INPP4B: variants seen among roughly 807,000 people sequenced by gnomAD.
The protein encoded by INPP4B is inositol polyphosphate 4-phosphatase type II.
INPP4B carries 55 observed loss-of-function variants against 122.5 expected under a neutral mutation model. That is an observed-to-expected ratio of 0.45 (90% CI 0.36 to 0.56). The LOEUF (loss-of-function observed/expected upper bound fraction) is 0.56. INPP4B is among the 20% of genes least tolerant of loss of function. The probability of loss-of-function intolerance (pLI) is 0.00; values close to 1 mark genes in which losing one functional copy is unlikely to be tolerated. For synonymous variants in INPP4B, 403 were observed against 388.7 expected (o/e 1.04, Z -0.43); for missense variants, 1,000 against 1,097.7 (o/e 0.91, Z 1.26).
rs1168677516 is a variant in INPP4B at position 142,024,666 on chromosome 4, G to C, written c.*4116C>G. ...AGAGTGTAATTTGTTTAATGTAACA[G>C]TTTTGGTTTCAATTGAGCTATATTT... On this transcript the variant is annotated 3_prime_UTR_variant, in exon 26 of 26. Transcript: ENST00000262992. 6 of 152,216 alleles carry C rather than the reference G, an allele frequency of 3.9e-5. No homozygotes were observed. In the East Asian group the frequency reaches 1.2e-3, roughly 29 times the overall value. The allele number at this position is 152,216 out of a possible 1,614,324, so 9.4% of individuals were successfully genotyped here.
intron 25 of INPP4B, among the ~76,000 whole-genome samples, chr4:142,036,691 T>C (rs945031828): frequency 2.6e-5 from 4 of 152,336 alleles, no homozygotes; most frequent in African/African-American, 7.2e-5. Flanking sequence ...GGGGCAGTTT[T>C]ACAACGGAAT....
At chr4:142,321,002 A>C (rs111931677) in intron 7 of INPP4B, among the ~76,000 whole-genome samples, 2,334 of 152,304 alleles carry the variant, frequency 0.015, 57 homozygotes, top group African/African-American at 0.053. Flanking sequence ...ATTGCTGGAT[A>C]AAATGGTAGA....
intron 3 of INPP4B, among the ~76,000 whole-genome samples, chr4:142,451,302 G>A (rs553677961): frequency 7.6e-6 from 1 of 131,910 alleles, no homozygotes; most frequent in African/African-American, 2.9e-5. Context: ...CCAGGCTGTA[G>A]TGCAGTGGCA....
At chr4:142,727,545 G>T (rs1282319658) in intron 1 of INPP4B, among the ~76,000 whole-genome samples, 1 of 152,124 alleles carries the variant, frequency 6.6e-6, no homozygotes, top group Admixed American at 6.6e-5. Context: ...AGTATTAAAA[G>T]AATATTCTGG....
At chr4:142,255,128 A>G (rs1040758525) in intron 11 of INPP4B, among the ~76,000 whole-genome samples, 5 of 151,962 alleles carry the variant, frequency 3.3e-5, no homozygotes, top group African/African-American at 1.2e-4. Flanking sequence ...AAGGAGAAAT[A>G]AAATACTTTA....
intron 2 of INPP4B, among the ~76,000 whole-genome samples, chr4:142,478,376 C>A (rs1413046612): frequency 6.6e-6 from 1 of 151,606 alleles, no homozygotes; most frequent in Non-Finnish European, 1.5e-5. Flanking sequence ...TCCTTTTGCC[C>A]ATTCAATATG....
At chr4:142,501,690 GA>G (rs1303143693) in intron 2 of INPP4B, among the ~76,000 whole-genome samples, 14 of 151,846 alleles carry the variant, frequency 9.2e-5, no homozygotes, top group Non-Finnish European at 1.8e-4. Context: ...TTGAGGTGAA[GA>G]AAAAAATCTA....
At chr4:142,120,481 T>C (rs1481773455) in intron 21 of INPP4B, among the ~76,000 whole-genome samples, 1 of 152,142 alleles carries the variant, frequency 6.6e-6, no homozygotes, top group Non-Finnish European at 1.5e-5. Flanking sequence ...CTCCATTTAG[T>C]GGATCCTATT....
At chr4:142,653,506 A>T (rs1480773822) in intron 2 of INPP4B, among the ~76,000 whole-genome samples, 3 of 152,130 alleles carry the variant, frequency 2.0e-5, no homozygotes, top group Admixed American at 1.3e-4. Flanking sequence ...GAATCTACAA[A>T]GAACTCCAAC....
intron 4 of INPP4B, among the ~76,000 whole-genome samples, chr4:142,429,630 A>C (rs1322691109): frequency 1.3e-5 from 2 of 152,038 alleles, no homozygotes; most frequent in African/African-American, 4.8e-5. Context: ...GTAAACAGTA[A>C]ATCAGTAACA....
chr4:142,446,564 G>A (rs1360041052), intron 3 of INPP4B, among the ~76,000 whole-genome samples: 2 of 152,132 alleles, frequency 1.3e-5, no homozygotes, highest in African/African-American at 4.8e-5. Context: ...AAGATAATTA[G>A]GAGAATGTTC....
chr4:142,725,856 T>C lies in INPP4B; in HGVS notation c.-208A>G. The stretch of plus-strand genomic sequence containing the variant: ...AGCATTACCTTTGTCTAATTTTTCA[T>C]AAAAGACAGAAGACCTCTTGCCAGG... On this transcript the variant is annotated 5_prime_UTR_variant, in exon 2 of 26. It removes an upstream start codon present in the reference 5' UTR. Transcript: ENST00000262992. The C allele has an allele frequency of 2.5e-6, 1 of 398,060 alleles. No individual in the cohort carries two copies. The highest frequency in any genetic ancestry group is 4.4e-6 in the Non-Finnish European group (1 of 225,704). The allele number at this position is 398,060 out of a possible 1,614,324, so 24.7% of individuals were successfully genotyped here.
intron 25 of INPP4B, among the ~76,000 whole-genome samples, chr4:142,045,290 A>G (rs1750713214): frequency 6.6e-6 from 1 of 152,166 alleles, no homozygotes; most frequent in Non-Finnish European, 1.5e-5. Flanking sequence ...ACTAATTAGG[A>G]ACATTTTATT....
chr4:142,528,881 G>A (rs533676482), intron 2 of INPP4B, among the ~76,000 whole-genome samples: 5 of 152,196 alleles, frequency 3.3e-5, no homozygotes, highest in East Asian at 1.9e-4. Context: ...AAAAAAGTGA[G>A]TTTTGTCACT....
At chr4:142,380,396 C>G (rs1793667529) in intron 7 of INPP4B, among the ~76,000 whole-genome samples, 1 of 152,178 alleles carries the variant, frequency 6.6e-6, no homozygotes, top group Non-Finnish European at 1.5e-5. Flanking sequence ...CTCACTTATC[C>G]CTAGGCACTG....
intron 1 of INPP4B, among the ~76,000 whole-genome samples, chr4:142,794,430 G>A (rs1202995630): frequency 6.6e-6 from 1 of 151,836 alleles, no homozygotes; most frequent in African/African-American, 2.4e-5. Flanking sequence ...CTGAGACAAA[G>A]TGGAAGAAAA....
In INPP4B at chr4:142,198,929, G is replaced by A. The variant is rs537407893; in HGVS notation, c.1073-5734C>T. Among the ~76,000 whole-genome samples, 188 of 151,562 alleles carry A rather than the reference G, an allele frequency of 1.2e-3. 1 individual carries two copies. The Middle Eastern group carries it at 0.02, about 16-fold the overall frequency. On this transcript the variant is annotated intron_variant, in intron 14 of 25. Transcript: ENST00000262992. ...TCTGTTCTTTACCCTTGTAAATTTC[G>A]TACTTAGGCCTAGTTGCTAAGTTAG...
intron 2 of INPP4B, among the ~76,000 whole-genome samples, chr4:142,491,167 A>G (rs1054264089): frequency 6.6e-6 from 1 of 152,170 alleles, no homozygotes; most frequent in Non-Finnish European, 1.5e-5. Context: ...CTGTGTTATA[A>G]TAATTTACAT....
chr4:142,509,808 G>C (rs912620151), intron 2 of INPP4B, among the ~76,000 whole-genome samples: 2 of 152,142 alleles, frequency 1.3e-5, no homozygotes, highest in Non-Finnish European at 1.5e-5. Flanking sequence ...CATGGCCCCT[G>C]CCTCTTAGCA....
Sources: gnomAD v4.1 joint callset for allele counts (sites outside exome capture counted in the v4.1 genomes callset) on GRCh38, gnomAD v4.1.1 for gene constraint, MANE v1.5 for transcripts, NCBI Gene and HGNC (gene_info 2026-07-23, HGNC 2026-07-21) for gene names.